The following PARVA variants were observed in gnomAD, a reference collection of about 807,000 sequenced individuals.
PARVA encodes the protein parvin alpha.
A neutral mutation model predicts 52.6 loss-of-function variants in PARVA; 25 were observed. The observed-to-expected ratio is 0.48, with a 90% CI of 0.35 to 0.66. PARVA has a LOEUF of 0.66. Among genes scored for constraint, PARVA ranks in the 30% least tolerant of loss-of-function variants. PARVA has a pLI of 0.01. For synonymous variants in PARVA, 185 were observed against 179.1 expected (o/e 1.03, Z -0.26); for missense variants, 373 against 450.9 (o/e 0.83, Z 1.56).
intron 4 of PARVA, among the ~76,000 whole-genome samples, chr11:12,483,714 C>T (rs1941119632): frequency 6.6e-6 from 1 of 152,208 alleles, no homozygotes; most frequent in African/African-American, 2.4e-5. Context: ...TCGCTGTCAT[C>T]CAGAGAGACC....
At chr11:12,494,465 T>C (rs939923753) in intron 4 of PARVA, among the ~76,000 whole-genome samples, 1 of 152,178 alleles carries the variant, frequency 6.6e-6, no homozygotes, top group Non-Finnish European at 1.5e-5. Flanking sequence ...GGGCTTGTTA[T>C]GAATAACAAA....
At chr11:12,448,003 T>C (rs1421681900) in intron 1 of PARVA, among the ~76,000 whole-genome samples, 5 of 152,202 alleles carry the variant, frequency 3.3e-5, no homozygotes, top group Non-Finnish European at 7.3e-5. Flanking sequence ...TGGTACAAAA[T>C]AAACCTTCAG....
intron 1 of PARVA, among the ~76,000 whole-genome samples, chr11:12,440,373 T>A (rs1375629563): frequency 1.3e-5 from 2 of 151,840 alleles, no homozygotes; most frequent in African/African-American, 4.8e-5. Flanking sequence ...GGTGGAGAGG[T>A]TTTGCTTCCT....
intron 1 of PARVA, among the ~76,000 whole-genome samples, chr11:12,419,225 T>G (rs942608357): frequency 3.9e-5 from 6 of 152,182 alleles, no homozygotes; most frequent in African/African-American, 1.4e-4. Flanking sequence ...TCCTAAACCC[T>G]TTTCATCTTG....
rs1034876003 is a variant in PARVA, at chr11:12,529,018, A to G, written c.*1093A>G. On this transcript the variant is annotated 3_prime_UTR_variant, in exon 13 of 13. Transcript: ENST00000334956. ...GCTCAGGCACCGCAGAGAGCTGGGC[A>G]CGGGCCCATGTGAGCATCACTTTGG... The G allele has an allele frequency of 6.6e-6, 1 of 152,668 alleles. No homozygotes were observed. The highest frequency in any genetic ancestry group is 2.4e-5 in the African/African-American group (1 of 41,468). The allele number at this position is 152,668 out of a possible 1,614,324, so 9.5% of individuals were successfully genotyped here.
rs796981098 is a variant in PARVA, at chr11:12,510,464, A to G, written c.717-1050A>G. Among the ~76,000 whole-genome samples, 57 of 152,372 alleles carry G rather than the reference A, an allele frequency of 3.7e-4. 1 individual carries two copies. Among genetic ancestry groups the G allele is most frequent in the African/African-American group, 1.3e-3 (55 of 41,586 alleles). ...TATTTACCATAATTATCTTCATTTT[A>G]GAGATGAGAGACCTGGTGCCCAGAA... On this transcript the variant is annotated intron_variant, in intron 7 of 12. Coordinates refer to ENST00000334956, the MANE Select transcript of PARVA (RefSeq NM_018222.5).
intron 1 of PARVA, among the ~76,000 whole-genome samples, 194 bp downstream of exon 1, chr11:12,377,977 G>C (rs532612221): frequency 2.0e-5 from 3 of 148,190 alleles, no homozygotes; most frequent in South Asian, 4.1e-4. Flanking sequence ...CCCGGGGCTC[G>C]CGGGCCATCG....
intron 1 of PARVA, among the ~76,000 whole-genome samples, chr11:12,455,895 C>G (rs986120847): frequency 6.6e-6 from 1 of 152,186 alleles, no homozygotes; most frequent in East Asian, 1.9e-4. Context: ...TCCATTAACA[C>G]CTGTAAAATA....
intron 11 of PARVA, 59 bp from the exon 12 acceptor site, chr11:12,518,385 GC>G: frequency 7.8e-7 from 1 of 1,283,454 alleles, no homozygotes; most frequent in African/African-American, 1.5e-5. Context: ...ACTTCCCAGG[GC>G]CAGGTCCTGG....
At chr11:12,376,820 A>G (rs1242856857), upstream of PARVA, 16 of 642,744 alleles carry the variant, frequency 2.5e-5, no homozygotes, top group South Asian at 1.4e-4. Context: ...TGTTATCTCA[A>G]ATGAGTCTGG....
rs76143607 is a variant in PARVA at position 12,417,434 on chromosome 11, T to C, written c.136+39651T>C. 6.5e-3 allele frequency among the ~76,000 whole-genome samples: 996 copies of C among 152,344 alleles called. 13 individuals carry two copies. Among genetic ancestry groups the C allele is most frequent in the African/African-American group, 0.021 (886 of 41,582 alleles). On this transcript the variant is annotated intron_variant, in intron 1 of 12. Transcript: ENST00000334956. ...GTATTTATATATTTGTAAGGGTATA[T>C]ATGTAAAAATATATATGTTTATACT... is the stretch of plus-strand genomic sequence containing the variant.
intron 1 of PARVA, among the ~76,000 whole-genome samples, chr11:12,402,622 G>C (rs1939845828): frequency 6.6e-6 from 1 of 152,188 alleles, no homozygotes; most frequent in Admixed American, 6.5e-5. Flanking sequence ...CATGATGTAA[G>C]TAAGATAATG....
intron 1 of PARVA, among the ~76,000 whole-genome samples, chr11:12,442,458 C>T (rs1438653449): frequency 6.6e-6 from 1 of 152,100 alleles, no homozygotes; most frequent in African/African-American, 2.4e-5. Flanking sequence ...ATGTGGAGCC[C>T]AAGACAGGTA....
intron 10 of PARVA, among the ~76,000 whole-genome samples, chr11:12,517,306 A>ACCCCCC (rs1163580144): frequency 2.4e-4 from 18 of 76,220 alleles, no homozygotes; most frequent in African/African-American, 6.6e-4. Flanking sequence ...CACACTGACC[A>ACCCCCC]CCCCCCACCC....
chr11:12,499,258 G>A (rs901250478), intron 5 of PARVA, among the ~76,000 whole-genome samples: 1 of 152,138 alleles, frequency 6.6e-6, no homozygotes, highest in African/African-American at 2.4e-5. Context: ...ATAGTGGCTT[G>A]TTCCATAAGG....
chr11:12,478,115 C>G (rs1564857563), intron 4 of PARVA, 166 bp downstream of exon 4: 1 of 699,698 alleles, frequency 1.4e-6, no homozygotes. Flanking sequence ...TAGATGTCCT[C>G]TTGGAATGTT....
At chr11:12,388,889 C>A (rs1376300319) in intron 1 of PARVA, among the ~76,000 whole-genome samples, 2 of 151,922 alleles carry the variant, frequency 1.3e-5, no homozygotes, top group African/African-American at 2.4e-5. Context: ...GTAAATAATG[C>A]AACCTAAAGC....
intron 1 of PARVA, among the ~76,000 whole-genome samples, chr11:12,460,462 T>C (rs2135022730): frequency 6.6e-6 from 1 of 152,254 alleles, no homozygotes; most frequent in Middle Eastern, 3.4e-3. Context: ...ATGCACCTGA[T>C]ACAAGGGACA....
intron 4 of PARVA, chr11:12,478,489 A>C: frequency 4.7e-6 from 1 of 211,936 alleles, no homozygotes; most frequent in Non-Finnish European, 9.6e-6. Context: ...GAAAGGACAA[A>C]TTTTAGCTTG....
Sources: gnomAD v4.1 joint callset for allele counts (sites outside exome capture counted in the v4.1 genomes callset) on GRCh38, gnomAD v4.1.1 for gene constraint, MANE v1.5 for transcripts, NCBI Gene and HGNC (gene_info 2026-07-23, HGNC 2026-07-21) for gene names.